Variants in RBPJ observed in about 807,000 individuals in gnomAD.
The protein encoded by RBPJ is recombination signal binding protein for immunoglobulin kappa J region.
Under a neutral mutation model 67.8 loss-of-function variants are expected in RBPJ, and 9 were observed. The ratio of observed to expected loss-of-function variants is 0.13; its 90% CI spans 0.08 to 0.23. RBPJ has a LOEUF of 0.23. Among genes scored for constraint, RBPJ ranks in the 10% least tolerant of loss-of-function variants. The pLI, the probability that RBPJ is intolerant of heterozygous loss-of-function variation, is 1.00. For missense variants in RBPJ, 305 were observed against 595.6 expected, an observed-to-expected ratio of 0.51 and a Z score of 5.08; for synonymous variants, 198 against 203.3, an observed-to-expected ratio of 0.97 and a Z score of 0.22.
At chr4:26,322,102 G>GCCCCCGC (rs1439610592) in intron 1 of RBPJ, 1 of 152,424 alleles carries the variant, frequency 6.6e-6, no homozygotes, top group Non-Finnish European at 1.5e-5. Flanking sequence ...GCGCCCCCCG[G>GCCCCCGC]CCCCCGCCCC....
chr4:26,157,090 C>CAAAAAAAAAAAAAA, the RBPJ span, among the ~76,000 whole-genome samples: 1 of 41,756 alleles, frequency 2.4e-5, no homozygotes, highest in African/African-American at 7.2e-5. Flanking sequence ...AACAAACAAA[C>CAAAAAAAAAAAAAA]AAACAAACAA....
chr4:26,354,279 T>C (rs917650990), intron 1 of RBPJ, among the ~76,000 whole-genome samples: 4 of 152,164 alleles, frequency 2.6e-5, no homozygotes, highest in African/African-American at 9.7e-5. Context: ...GGGACTGTTT[T>C]CAGCAAGCTT....
At chr4:26,378,908 C>T (rs1730029898) in intron 1 of RBPJ, among the ~76,000 whole-genome samples, 1 of 152,048 alleles carries the variant, frequency 6.6e-6, no homozygotes, top group South Asian at 2.1e-4. Context: ...TGCCTGTAAT[C>T]CCAGCTACTC....
At chr4:26,345,606 A>G (rs1726049181) in intron 1 of RBPJ, among the ~76,000 whole-genome samples, 1 of 152,222 alleles carries the variant, frequency 6.6e-6, no homozygotes, top group African/African-American at 2.4e-5. Flanking sequence ...TAGTTCCTAC[A>G]TCCCTGGGGA....
At chr4:26,135,621 C>A in the RBPJ span, among the ~76,000 whole-genome samples, 10 of 152,120 alleles carry the variant, frequency 6.6e-5, no homozygotes, top group Non-Finnish European at 1.3e-4. Context: ...GGAGCTTCTA[C>A]CAATAAACTT....
intron 1 of RBPJ, among the ~76,000 whole-genome samples, chr4:26,365,579 A>C (rs955838640): frequency 1.3e-5 from 2 of 152,232 alleles, no homozygotes; most frequent in African/African-American, 4.8e-5. Context: ...AGTTTTATCA[A>C]AAGATTGAAA....
chr4:26,125,738 G>A, the RBPJ span, among the ~76,000 whole-genome samples: 3 of 151,834 alleles, frequency 2.0e-5, no homozygotes, highest in Non-Finnish European at 4.4e-5. Context: ...GGTGGAGGTT[G>A]CAGTGAGCCA....
intron 1 of RBPJ, among the ~76,000 whole-genome samples, chr4:26,191,082 G>A (rs1577454348): frequency 1.4e-5 from 2 of 138,936 alleles, no homozygotes; most frequent in South Asian, 4.9e-4. Flanking sequence ...AGCCCAGTAG[G>A]TCAAGGCTGC....
chr4:26,255,630 G>C (rs1471920447), intron 1 of RBPJ, among the ~76,000 whole-genome samples: 7 of 149,028 alleles, frequency 4.7e-5, no homozygotes, highest in Non-Finnish European at 8.9e-5. Flanking sequence ...GTGAAACCCC[G>C]TCTCTACTAA....
At chr4:26,420,803 C>G in intron 5 of RBPJ, 78 bp downstream of exon 5, 1 of 1,220,814 alleles carries the variant, frequency 8.2e-7, no homozygotes, top group Non-Finnish European at 1.1e-6. Context: ...TTAAAAATTG[C>G]CTTTTCAATA....
intron 4 of RBPJ, among the ~76,000 whole-genome samples, chr4:26,419,327 A>G (rs1022404126): frequency 6.6e-6 from 1 of 152,210 alleles, no homozygotes; most frequent in African/African-American, 2.4e-5. Flanking sequence ...TGCCTTCTAC[A>G]GAGCAAAACC....
At chr4:26,394,470 C>CAA (rs746553983) in intron 2 of RBPJ, among the ~76,000 whole-genome samples, 4 of 107,058 alleles carry the variant, frequency 3.7e-5, no homozygotes, top group South Asian at 5.8e-4. Context: ...ACTGTCAGTT[C>CAA]AAAAAAAAAA....
At chr4:26,415,716 TGGA>T in intron 4 of RBPJ, 76 bp downstream of exon 4, 2 of 1,398,080 alleles carry the variant, frequency 1.4e-6, no homozygotes, top group African/African-American at 1.4e-5. Flanking sequence ...ATTTTTGTGG[TGGA>T]GATTTTTTTC....
chr4:26,432,101 T>C lies in RBPJ; in HGVS notation c.*1094T>C, dbSNP rs1736290875. On this transcript the variant is annotated 3_prime_UTR_variant, in exon 11 of 11. Coordinates refer to ENST00000355476, the MANE Select transcript of RBPJ (RefSeq NM_015874.6). ...ACTTGGAATGTTCCCAGTGATTTCA[T>C]TCAGCAGGGTATTTTCTGCCTTGTT... 1 of 152,258 alleles carries C rather than the reference T, an allele frequency of 6.6e-6. No individual in the cohort carries two copies. Among genetic ancestry groups the C allele is most frequent in the African/African-American group, 2.4e-5 (1 of 41,472 alleles). 9.4% of individuals were successfully genotyped at this position (152,258 alleles called of 1,614,324 possible). A position where few individuals can be genotyped will look rare whatever the true frequency, so the allele number is the denominator to read the frequency against.
At chr4:26,271,349 A>C (rs1720910191) in intron 1 of RBPJ, among the ~76,000 whole-genome samples, 1 of 152,232 alleles carries the variant, frequency 6.6e-6, no homozygotes, top group Non-Finnish European at 1.5e-5. Flanking sequence ...ACTGTACCTC[A>C]AAACCTGGTG....
rs111577606 is a variant in RBPJ, at chr4:26,305,317, G to C, written c.-166-57129G>C. Among the ~76,000 whole-genome samples, 189 of 152,286 alleles carry C rather than the reference G, an allele frequency of 1.2e-3. 1 individual carries two copies. Among genetic ancestry groups the C allele is most frequent in the African/African-American group, 4.4e-3 (183 of 41,540 alleles). ...TTTTCAAGATTGTTTGGCTATTGTG[G>C]GTTCCATAAAATTGTGGCTGTCCTT... On this transcript the variant is annotated intron_variant, in intron 1 of 4. Coordinates refer to the RBPJ transcript ENST00000512351.
intron 1 of RBPJ, among the ~76,000 whole-genome samples, chr4:26,211,358 T>A (rs1291317991): frequency 6.6e-6 from 1 of 152,118 alleles, no homozygotes; most frequent in African/African-American, 2.4e-5. Context: ...CTCCAGGGAA[T>A]TGGAAAGTAT....
chr4:26,334,552 C>T (rs1333843347), intron 1 of RBPJ, among the ~76,000 whole-genome samples: 1 of 152,156 alleles, frequency 6.6e-6, no homozygotes, highest in Non-Finnish European at 1.5e-5. Flanking sequence ...AAAGGGGCTG[C>T]AAGACTAGGC....
At chr4:26,191,222 G>T (rs1227647587) in intron 1 of RBPJ, among the ~76,000 whole-genome samples, 55 of 117,200 alleles carry the variant, frequency 4.7e-4, no homozygotes, top group East Asian at 7.3e-4. Flanking sequence ...GAGAGAGAGA[G>T]AGAGAGAGAG....
Sources: allele counts gnomAD v4.1 joint callset (sites outside exome capture counted in the v4.1 genomes callset), GRCh38; gene constraint gnomAD v4.1.1; transcripts MANE v1.5; gene names NCBI Gene and HGNC (gene_info 2026-07-23, HGNC 2026-07-21).